SGCZ: variants seen among roughly 807,000 people sequenced by gnomAD.
The protein encoded by SGCZ is zeta-sarcoglycan.
SGCZ carries 40 observed loss-of-function variants against 41.3 expected under a neutral mutation model. That is an observed-to-expected ratio of 0.97 (90% CI 0.75 to 1.26). SGCZ has a LOEUF of 1.26. Among genes scored for constraint, SGCZ ranks in the 50% most tolerant of loss-of-function variants. The pLI, the probability that SGCZ is intolerant of heterozygous loss-of-function variation, is 0.00. For missense variants in SGCZ, 552 were observed against 369.8 expected (o/e 1.49, Z -4.04); for synonymous variants, 206 against 137.5 (o/e 1.50, Z -3.49).
chr8:14,550,439 T>C (rs1204437390), intron 2 of SGCZ, among the ~76,000 whole-genome samples: 1 of 151,732 alleles, frequency 6.6e-6, no homozygotes, highest in Non-Finnish European at 1.5e-5. Flanking sequence ...TGTGGTTATC[T>C]ACATGGAGTT....
intron 1 of SGCZ, among the ~76,000 whole-genome samples, chr8:15,220,878 C>A (rs1019609910): frequency 1.2e-4 from 18 of 152,204 alleles, no homozygotes; most frequent in African/African-American, 4.3e-4. Context: ...ATGGATGAAG[C>A]AGGAAACCAT....
At chr8:14,478,214 A>T (rs1204897389) in intron 2 of SGCZ, among the ~76,000 whole-genome samples, 1 of 152,262 alleles carries the variant, frequency 6.6e-6, no homozygotes, top group Non-Finnish European at 1.5e-5. Context: ...TGAAGTTAAA[A>T]ACAGGTCCTC....
At chr8:14,503,395 G>A (rs1042319068) in intron 2 of SGCZ, among the ~76,000 whole-genome samples, 1 of 152,100 alleles carries the variant, frequency 6.6e-6, no homozygotes, top group African/African-American at 2.4e-5. Flanking sequence ...GCATACCTAT[G>A]TAACAAACCT....
intron 1 of SGCZ, among the ~76,000 whole-genome samples, chr8:14,668,242 G>C (rs1807980756): frequency 6.6e-6 from 1 of 152,164 alleles, no homozygotes; most frequent in Non-Finnish European, 1.5e-5. Flanking sequence ...TTACAGGCGT[G>C]AGCCACCGCC....
rs548565145 is a variant in SGCZ, at chr8:14,451,218, T to A, written c.234+103514A>T. Reference sequence around the variant, plus strand: ...ATTTGAAGAGTGATGAAAACAAAAATAGACTCTGTAGGAAATGTAGCTACC... The same window carrying A: ...ATTTGAAGAGTGATGAAAACAAAAAAAGACTCTGTAGGAAATGTAGCTACC... On this transcript the variant is annotated intron_variant, in intron 2 of 7. Coordinates refer to ENST00000382080, the MANE Select transcript of SGCZ (RefSeq NM_139167.4). Among the ~76,000 whole-genome samples the A allele has an allele frequency of 3.3e-5, 5 of 152,314 alleles. No homozygotes were observed. The East Asian group carries it at 9.7e-4, about 29-fold the overall frequency.
chr8:14,767,209 C>G (rs1237671903), intron 1 of SGCZ, among the ~76,000 whole-genome samples: 1 of 152,140 alleles, frequency 6.6e-6, no homozygotes. Context: ...TCCTAGGCCT[C>G]CAAGGCCTTG....
rs1029074666 is a variant in SGCZ at position 14,204,892 on chromosome 8, C to T, written c.424+32700G>A. Among the ~76,000 whole-genome samples, 3 of 152,078 alleles carry T rather than the reference C, an allele frequency of 2.0e-5. No homozygotes were observed. The East Asian group carries it at 5.8e-4, about 29-fold the overall frequency. The stretch of plus-strand genomic sequence containing the variant: ...GTCATTGGCTTTCCTGGTTCTGAGG[C>T]CTTCAGACTTGGACTGAGCCTTGTT... On this transcript the variant is annotated intron_variant, in intron 4 of 7. Coordinates refer to ENST00000382080, the MANE Select transcript of SGCZ (RefSeq NM_139167.4).
At chr8:14,783,122 A>G (rs1396200109) in intron 1 of SGCZ, among the ~76,000 whole-genome samples, 1 of 152,170 alleles carries the variant, frequency 6.6e-6, no homozygotes, top group African/African-American at 2.4e-5. Flanking sequence ...TAAATTAGGG[A>G]ATTCCAAGAG....
intron 1 of SGCZ, among the ~76,000 whole-genome samples, chr8:15,041,980 G>T (rs1424736640): frequency 2.0e-5 from 3 of 152,102 alleles, no homozygotes; most frequent in Admixed American, 2.0e-4. Flanking sequence ...GATAAAAAAG[G>T]CTAAAGGAAG....
At chr8:14,637,131 C>T (rs1388682950) in intron 1 of SGCZ, among the ~76,000 whole-genome samples, 1 of 151,492 alleles carries the variant, frequency 6.6e-6, no homozygotes, top group Non-Finnish European at 1.5e-5. Context: ...TTTCTCATAC[C>T]TCTGAATTTA....
chr8:14,610,286 A>C (rs1805885060), intron 1 of SGCZ, among the ~76,000 whole-genome samples: 1 of 152,198 alleles, frequency 6.6e-6, no homozygotes, highest in Admixed American at 6.5e-5. Context: ...TTCTCCCTGA[A>C]AACAGGAGAT....
chr8:14,666,663 A>T (rs1467279680), intron 1 of SGCZ, among the ~76,000 whole-genome samples: 1 of 147,586 alleles, frequency 6.8e-6, no homozygotes, highest in Admixed American at 6.9e-5. Flanking sequence ...AGACAAGGAC[A>T]TATCTTGTTG....
At chr8:14,368,025 A>G (rs908550637) in intron 2 of SGCZ, among the ~76,000 whole-genome samples, 4 of 152,078 alleles carry the variant, frequency 2.6e-5, no homozygotes, top group Non-Finnish European at 5.9e-5. Context: ...TTATTCACAA[A>G]ACAGAAAGGT....
chr8:14,592,500 T>A (rs543211648), intron 1 of SGCZ, among the ~76,000 whole-genome samples: 1 of 152,252 alleles, frequency 6.6e-6, no homozygotes, highest in East Asian at 1.9e-4. Flanking sequence ...CTCTTCCAAG[T>A]TTTTATGCTC....
At chr8:14,321,626 G>C (rs1032407283) in intron 3 of SGCZ, among the ~76,000 whole-genome samples, 2 of 152,034 alleles carry the variant, frequency 1.3e-5, no homozygotes, top group Non-Finnish European at 2.9e-5. Context: ...CATTAATAGA[G>C]GTTAAACATA....
chr8:14,918,811 G>A (rs550331369), intron 1 of SGCZ, among the ~76,000 whole-genome samples: 2 of 152,302 alleles, frequency 1.3e-5, no homozygotes, highest in East Asian at 1.9e-4. Flanking sequence ...GAACAGTAGT[G>A]CAGACCAGCA....
intron 1 of SGCZ, among the ~76,000 whole-genome samples, chr8:14,995,963 G>C (rs572818053): frequency 6.6e-6 from 1 of 152,042 alleles, no homozygotes; most frequent in Non-Finnish European, 1.5e-5. Flanking sequence ...GAGTGCAGTG[G>C]TGTGATCTCG....
intron 1 of SGCZ, among the ~76,000 whole-genome samples, chr8:14,801,335 G>A (rs1277464457): frequency 2.0e-5 from 3 of 152,090 alleles, no homozygotes; most frequent in South Asian, 2.1e-4. Flanking sequence ...GCTTTACTAA[G>A]GAAATGAATC....
intron 2 of SGCZ, among the ~76,000 whole-genome samples, chr8:14,517,026 C>T (rs1802642257): frequency 6.6e-6 from 1 of 151,966 alleles, no homozygotes; most frequent in Non-Finnish European, 1.5e-5. Context: ...GGTTGTAGTG[C>T]ACAGTGATTC....
Sources: gnomAD v4.1 joint callset for allele counts (sites outside exome capture counted in the v4.1 genomes callset) on GRCh38, gnomAD v4.1.1 for gene constraint, MANE v1.5 for transcripts, NCBI Gene and HGNC (gene_info 2026-07-23, HGNC 2026-07-21) for gene names.